The following PAPPA2 variants were observed in gnomAD, a reference collection of about 807,000 sequenced individuals.
The protein encoded by PAPPA2 is pappalysin 2.
Under a neutral mutation model 176.4 loss-of-function variants are expected in PAPPA2, and 86 were observed. That is an observed-to-expected ratio of 0.49 (90% CI 0.41 to 0.58). The LOEUF is 0.58. Ranked by LOEUF, PAPPA2 falls within the 20% of genes least tolerant of loss-of-function variation. The pLI, the probability that PAPPA2 is intolerant of heterozygous loss-of-function variation, is 0.00. For synonymous variants in PAPPA2, 809 were observed against 852.2 expected, an observed-to-expected ratio of 0.95 and a Z score of 0.88; for missense variants, 2,073 against 2,256.9, an observed-to-expected ratio of 0.92 and a Z score of 1.65.
chr1:176,538,265 A>G (rs535207898), intron 1 of PAPPA2, among the ~76,000 whole-genome samples: 3 of 152,084 alleles, frequency 2.0e-5, no homozygotes, highest in Non-Finnish European at 4.4e-5. Flanking sequence ...CACTCTTCAC[A>G]TGTCTTGAGC....
chr1:176,521,810 G>T (rs780754848), intron 1 of PAPPA2, among the ~76,000 whole-genome samples: 4 of 152,128 alleles, frequency 2.6e-5, no homozygotes, highest in Admixed American at 2.0e-4. Context: ...GAATGCCTTC[G>T]AGAAACTTCT....
rs758595081 is a variant in PAPPA2, at chr1:176,788,407, G to T, written c.4716-1402G>T. On this transcript the variant is annotated intron_variant, in intron 17 of 22. Transcript: ENST00000367662. ...AGTCAGTTAGAAGACAACATGCAAG[G>T]GTTGGTGGGCATATTTAACCTTAAA... 4.6e-5 allele frequency among the ~76,000 whole-genome samples: 7 copies of T among 152,168 alleles called. No individual in the cohort carries two copies. In the East Asian group the frequency reaches 5.8e-4, roughly 13 times the overall value.
chr1:176,693,738 A>G (rs897893736), intron 6 of PAPPA2, among the ~76,000 whole-genome samples: 2 of 152,070 alleles, frequency 1.3e-5, no homozygotes, highest in African/African-American at 4.8e-5. Flanking sequence ...TCAGCGCCCA[A>G]ACCCTTTTGG....
chr1:176,603,709 A>G (rs555293762), intron 3 of PAPPA2, among the ~76,000 whole-genome samples: 11 of 152,288 alleles, frequency 7.2e-5, no homozygotes, highest in African/African-American at 2.2e-4. Flanking sequence ...CCTCATTTGT[A>G]TCACTTCTCA....
chr1:176,478,696 G>A (rs1260722230), intron 1 of PAPPA2, among the ~76,000 whole-genome samples: 1 of 152,182 alleles, frequency 6.6e-6, no homozygotes, highest in African/African-American at 2.4e-5. Flanking sequence ...AACAGAGAAT[G>A]GCCAGGGAGA....
At chr1:176,606,084 CAT>C (rs895904448) in intron 3 of PAPPA2, among the ~76,000 whole-genome samples, 66 of 151,246 alleles carry the variant, frequency 4.4e-4, no homozygotes, top group Non-Finnish European at 9.0e-4. Context: ...TACACACACA[CAT>C]ATATATATAA....
intron 4 of PAPPA2, among the ~76,000 whole-genome samples, chr1:176,673,837 G>T (rs1003076243): frequency 2.0e-5 from 3 of 152,032 alleles, no homozygotes; most frequent in African/African-American, 7.2e-5. Context: ...TCCTTTCAGG[G>T]AAATTGCCAC....
chr1:176,745,492 G>A (rs906012396), intron 14 of PAPPA2, among the ~76,000 whole-genome samples: 2 of 152,118 alleles, frequency 1.3e-5, no homozygotes, highest in African/African-American at 2.4e-5. Flanking sequence ...TTGTGAATCT[G>A]TCTTGTACTA....
rs1652688115 is a variant in PAPPA2 at position 176,487,235 on chromosome 1, C to T, written c.-917+23817C>T. The stretch of plus-strand genomic sequence containing the variant: ...TGGCTGGGTTGCTGGTCAAGGCCAT[C>T]TTGACCAAAGTCTACCCTAGAGACA... On this transcript the variant is annotated intron_variant, in intron 1 of 22. Coordinates refer to ENST00000367662, the MANE Select transcript of PAPPA2 (RefSeq NM_020318.3). 3.9e-5 allele frequency among the ~76,000 whole-genome samples: 6 copies of T among 152,180 alleles called. No homozygotes were observed. In the South Asian group the frequency reaches 1.2e-3, roughly 32 times the overall value.
intron 21 of PAPPA2, among the ~76,000 whole-genome samples, chr1:176,814,408 A>G (rs1278827190): frequency 1.3e-5 from 2 of 152,324 alleles, no homozygotes; most frequent in East Asian, 3.9e-4. Flanking sequence ...GATTCTTCCC[A>G]TCCATGAGCA....
At chr1:176,593,214 T>C (rs1391532320) in intron 2 of PAPPA2, among the ~76,000 whole-genome samples, 1 of 152,228 alleles carries the variant, frequency 6.6e-6, no homozygotes, top group African/African-American at 2.4e-5. Context: ...TAGCCACTTG[T>C]AAAGCACTTG....
chr1:176,784,319 A>T (rs1174270543), intron 17 of PAPPA2, among the ~76,000 whole-genome samples: 1 of 152,218 alleles, frequency 6.6e-6, no homozygotes, highest in Non-Finnish European at 1.5e-5. Context: ...ACAAAGGATC[A>T]TTGTGAATAA....
intron 3 of PAPPA2, among the ~76,000 whole-genome samples, chr1:176,623,627 T>TTTTCTTTC (rs1558479113): frequency 2.4e-5 from 2 of 81,980 alleles, no homozygotes; most frequent in Non-Finnish European, 4.7e-5. Flanking sequence ...TCCTTCCTTT[T>TTTTCTTTC]TTACTTTCTT....
At chr1:176,824,905 T>A (rs1666798111) in intron 21 of PAPPA2, among the ~76,000 whole-genome samples, 1 of 152,200 alleles carries the variant, frequency 6.6e-6, no homozygotes, top group Admixed American at 6.5e-5. Context: ...GGTCTCTGGC[T>A]TTAGAACTGC....
intron 1 of PAPPA2, among the ~76,000 whole-genome samples, chr1:176,528,884 G>A (rs950827149): frequency 6.6e-6 from 1 of 152,066 alleles, no homozygotes; most frequent in African/African-American, 2.4e-5. Flanking sequence ...TTATCAAGAC[G>A]CTGCCATCCT....
intron 21 of PAPPA2, among the ~76,000 whole-genome samples, chr1:176,827,668 A>G (rs1269820988): frequency 2.6e-5 from 4 of 152,086 alleles, no homozygotes; most frequent in African/African-American, 4.8e-5. Context: ...CAGATTCTGT[A>G]TTATGCAGCA....
chr1:176,736,523 T>C (rs941052122), intron 12 of PAPPA2, among the ~76,000 whole-genome samples: 6 of 147,164 alleles, frequency 4.1e-5, no homozygotes, highest in Admixed American at 1.4e-4. Context: ...TTAAAATGTA[T>C]ATTTATATAT....
chr1:176,626,752 T>TGGA (rs1656044910), intron 3 of PAPPA2, among the ~76,000 whole-genome samples: 2 of 152,152 alleles, frequency 1.3e-5, no homozygotes, highest in Admixed American at 1.3e-4. Flanking sequence ...GGAGGACAGC[T>TGGA]GGAGACTTGA....
chr1:176,731,757 G>A (rs928054618), intron 12 of PAPPA2, among the ~76,000 whole-genome samples: 10 of 148,814 alleles, frequency 6.7e-5, no homozygotes, highest in East Asian at 2.0e-4. Flanking sequence ...ATATATATAC[G>A]CATACACATT....
Sources: allele counts gnomAD v4.1 joint callset (sites outside exome capture counted in the v4.1 genomes callset), GRCh38; gene constraint gnomAD v4.1.1; transcripts MANE v1.5; gene names NCBI Gene and HGNC (gene_info 2026-07-23, HGNC 2026-07-21).